Variants in SRD5A2 observed in about 807,000 individuals in gnomAD.
SRD5A2 encodes the protein 3-oxo-5-alpha-steroid 4-dehydrogenase 2.
In SRD5A2, 30 loss-of-function variants were observed where a neutral mutation model predicts 27.4. That is an observed-to-expected ratio of 1.10 (90% CI 0.82 to 1.49). The LOEUF (loss-of-function observed/expected upper bound fraction) is 1.49, where lower values mean the gene tolerates loss of function less well. Among genes scored for constraint, SRD5A2 ranks in the 40% most tolerant of loss-of-function variants. The pLI is 0.00. For synonymous variants in SRD5A2, 141 were observed against 133.6 expected, an observed-to-expected ratio of 1.06 and a Z score of -0.38; for missense variants, 348 against 323.4, an observed-to-expected ratio of 1.08 and a Z score of -0.58.
chr2:31,550,901 T>C (rs1179532197), intron 1 of SRD5A2, among the ~76,000 whole-genome samples: 1 of 151,870 alleles, frequency 6.6e-6, no homozygotes, highest in Admixed American at 6.6e-5. Flanking sequence ...AGAAAAAAAT[T>C]TATAGATTAG....
the SRD5A2 span, among the ~76,000 whole-genome samples, chr2:31,642,658 G>A: frequency 2.6e-5 from 4 of 151,808 alleles, no homozygotes; most frequent in African/African-American, 4.8e-5. Context: ...ACAATTCAAC[G>A]CCAAGGTATT....
the SRD5A2 span, among the ~76,000 whole-genome samples, chr2:31,644,830 A>G: frequency 6.6e-6 from 1 of 152,240 alleles, no homozygotes; most frequent in Non-Finnish European, 1.5e-5. Context: ...TTCCTAGGAA[A>G]TACACACTGA....
At chr2:31,657,816 C>A in the SRD5A2 span, among the ~76,000 whole-genome samples, 1 of 152,040 alleles carries the variant, frequency 6.6e-6, no homozygotes, top group African/African-American at 2.4e-5. Context: ...ACAGCCTCTG[C>A]CACAACCACA....
chr2:31,559,398 T>C (rs1469057991), intron 1 of SRD5A2, among the ~76,000 whole-genome samples: 1 of 152,226 alleles, frequency 6.6e-6, no homozygotes, highest in Non-Finnish European at 1.5e-5. Flanking sequence ...TAATTATGGC[T>C]AATATAAATT....
the SRD5A2 span, among the ~76,000 whole-genome samples, chr2:31,635,306 T>C: frequency 6.6e-6 from 1 of 152,156 alleles, no homozygotes; most frequent in Non-Finnish European, 1.5e-5. Context: ...ATAGGTGATG[T>C]TAAGCATTTT....
At chr2:31,597,064 G>A in the SRD5A2 span, among the ~76,000 whole-genome samples, 126 of 152,132 alleles carry the variant, frequency 8.3e-4, no homozygotes, top group Non-Finnish European at 1.5e-3. Flanking sequence ...GAACAAGTCT[G>A]GAGGCATCAC....
Position 31,572,008 on chromosome 2 carries a change from A to G in SRD5A2, c.281+8612T>C, listed in dbSNP as rs149382811. Among the ~76,000 whole-genome samples, 296 of 151,022 alleles carry G rather than the reference A, an allele frequency of 2.0e-3. 2 individuals carry two copies. Among genetic ancestry groups the G allele is most frequent in the African/African-American group, 6.7e-3 (276 of 41,024 alleles). On this transcript the variant is annotated intron_variant, in intron 1 of 4. Coordinates refer to ENST00000622030, the MANE Select transcript of SRD5A2 (RefSeq NM_000348.4). ...TCCCCAAAGGAATATATATTGTTCT[A>G]CCATAAAGACACATGCATGTGCATG...
the SRD5A2 span, among the ~76,000 whole-genome samples, chr2:31,650,002 TA>T: frequency 3.3e-5 from 5 of 152,198 alleles, no homozygotes; most frequent in South Asian, 1.0e-3. Context: ...TAATTACAGG[TA>T]AAGCTCAACA....
intron 4 of SRD5A2, among the ~76,000 whole-genome samples, chr2:31,527,909 T>C (rs1434178664): frequency 6.6e-6 from 1 of 152,220 alleles, no homozygotes; most frequent in Non-Finnish European, 1.5e-5. Context: ...GGGTCCTGGT[T>C]CCAAGACCAC....
chr2:31,625,103 A>G, the SRD5A2 span, among the ~76,000 whole-genome samples: 2 of 152,156 alleles, frequency 1.3e-5, no homozygotes, highest in Admixed American at 6.6e-5. Flanking sequence ...CATTTCTCTG[A>G]TGACCAGTGA....
At chr2:31,609,184 T>A in the SRD5A2 span, among the ~76,000 whole-genome samples, 1 of 152,112 alleles carries the variant, frequency 6.6e-6, no homozygotes, top group Non-Finnish European at 1.5e-5. Flanking sequence ...TCTATGATAT[T>A]TGGTTACAGC....
intron 1 of SRD5A2, among the ~76,000 whole-genome samples, chr2:31,542,647 A>G (rs901926926): frequency 6.6e-6 from 1 of 152,192 alleles, no homozygotes; most frequent in African/African-American, 2.4e-5. Flanking sequence ...AATAACAGAA[A>G]TGAAAAATTT....
chr2:31,606,001 T>C, the SRD5A2 span, among the ~76,000 whole-genome samples: 1 of 151,910 alleles, frequency 6.6e-6, no homozygotes, highest in African/African-American at 2.4e-5. Flanking sequence ...TGCAACAAGA[T>C]GGATGGAACT....
At chr2:31,623,817 T>C in the SRD5A2 span, among the ~76,000 whole-genome samples, 2 of 152,112 alleles carry the variant, frequency 1.3e-5, no homozygotes, top group African/African-American at 2.4e-5. Flanking sequence ...CATGAAGCAA[T>C]GTTGAATTTT....
upstream of SRD5A2, among the ~76,000 whole-genome samples, chr2:31,581,896 C>A (rs1400513396): frequency 6.6e-6 from 1 of 152,210 alleles, no homozygotes; most frequent in African/African-American, 2.4e-5. Flanking sequence ...TTCCGTTTCC[C>A]ACCTTTATGT....
intron 1 of SRD5A2, among the ~76,000 whole-genome samples, chr2:31,572,678 A>T: frequency 6.6e-6 from 1 of 152,214 alleles, no homozygotes; most frequent in Non-Finnish European, 1.5e-5. Context: ...GACTGACAGC[A>T]TGAGACACAG....
At chr2:31,611,760 A>G in the SRD5A2 span, among the ~76,000 whole-genome samples, 185 of 152,306 alleles carry the variant, frequency 1.2e-3, 2 homozygotes, top group East Asian at 0.016. Context: ...GCTATTTTTT[A>G]TACAGTTAAA....
the SRD5A2 span, among the ~76,000 whole-genome samples, chr2:31,612,315 AG>A: frequency 6.6e-6 from 1 of 151,882 alleles, no homozygotes; most frequent in African/African-American, 2.4e-5. Context: ...GAAAGAAAAA[AG>A]AATAAACTAT....
At chr2:31,583,776 T>C (rs1485965088), upstream of SRD5A2, among the ~76,000 whole-genome samples, 1 of 151,864 alleles carries the variant, frequency 6.6e-6, no homozygotes, top group East Asian at 1.9e-4. Context: ...ATCAATGTGG[T>C]AACATATGCA....
Sources: gnomAD v4.1 joint callset for allele counts (sites outside exome capture counted in the v4.1 genomes callset) on GRCh38, gnomAD v4.1.1 for gene constraint, MANE v1.5 for transcripts, NCBI Gene and HGNC (gene_info 2026-07-23, HGNC 2026-07-21) for gene names.